ZFP82: variants seen among roughly 807,000 people sequenced by gnomAD.
ZFP82 encodes ZFP82 zinc finger protein, also known as zinc finger protein 82 homolog.
Under a neutral mutation model 54.0 loss-of-function variants are expected in ZFP82, and 30 were observed. The ratio of observed to expected loss-of-function variants is 0.56; its 90% confidence interval spans 0.42 to 0.75. The LOEUF is 0.75. Ranked by LOEUF, ZFP82 falls within the 30% of genes least tolerant of loss-of-function variation. ZFP82 has a pLI of 0.00. For missense variants in ZFP82, 500 were observed against 636.8 expected (o/e 0.79, Z 2.31); for synonymous variants, 194 against 209.5 (o/e 0.93, Z 0.64).
intron 4 of ZFP82, among the ~76,000 whole-genome samples, chr19:36,403,012 G>A (rs775183807): frequency 5.3e-5 from 8 of 151,548 alleles, no homozygotes; most frequent in Non-Finnish European, 1.0e-4. Context: ...GCGTGGTGGC[G>A]GGCGCCTGTA....
At chr19:36,416,867 GT>G (rs2032680136) in intron 1 of ZFP82, among the ~76,000 whole-genome samples, 1 of 150,096 alleles carries the variant, frequency 6.7e-6, no homozygotes, top group South Asian at 2.1e-4. Context: ...GAGGCCAGGA[GT>G]TTGAGACCAG....
chr19:36,393,142 A>G lies in ZFP82; in HGVS notation c.1198T>C (p.Trp400Arg). The change falls in exon 5 of 5, where the codon TGG becomes CGG. Residue 400 changes from tryptophan (W) to arginine (R), a missense_variant. Physicochemically the swap from Trp to Arg is moderately radical, Grantham distance 101. Coordinates refer to ENST00000392161, the MANE Select transcript of ZFP82 (RefSeq NM_133466.4). ...TGTGAGTAGCGACTAAAGGCTTTCC[A>G]GCATTCCTTACATTCGTAAGGTTTT... The part of the protein sequence containing the change: ...GEKPYECKEC[W>R]KAFSRYSQLI... The G allele has an allele frequency of 6.2e-7, 1 of 1,612,736 alleles. No homozygotes were observed. Among genetic ancestry groups the G allele is most frequent in the Admixed American group, 1.7e-5 (1 of 59,870 alleles).
intron 4 of ZFP82, among the ~76,000 whole-genome samples, chr19:36,396,678 AAAGT>A (rs1255507192): frequency 6.6e-6 from 1 of 151,906 alleles, no homozygotes; most frequent in Non-Finnish European, 1.5e-5. Context: ...ATACATAAAT[AAAGT>A]AATTAAAAAA....
At chr19:36,402,393 C>T (rs2032401646) in intron 4 of ZFP82, among the ~76,000 whole-genome samples, 1 of 137,328 alleles carries the variant, frequency 7.3e-6, no homozygotes. Flanking sequence ...GGCGTGAACC[C>T]AGGAAGCGGA....
Position 36,400,604 on chromosome 19 carries a change from C to T in ZFP82, c.229+4976G>A, listed in dbSNP as rs73928638. Among the ~76,000 whole-genome samples the T allele has an allele frequency of 5.2e-3, 791 of 152,286 alleles. 7 individuals carry two copies. The highest frequency in any genetic ancestry group is 0.018 in the African/African-American group (759 of 41,558). ...CCATCCTGAGCAACCTACCTGCACA[C>T]ATAACTACACTGTTTTTCCCTTTTA... On this transcript the variant is annotated intron_variant, in intron 4 of 4. Coordinates refer to ENST00000392161, the MANE Select transcript of ZFP82 (RefSeq NM_133466.4).
intron 4 of ZFP82, among the ~76,000 whole-genome samples, chr19:36,401,510 T>C (rs1287818478): frequency 1.3e-5 from 2 of 152,216 alleles, no homozygotes; most frequent in Admixed American, 6.5e-5. Flanking sequence ...CCTATCAGCA[T>C]GTTCTTTTGA....
At chr19:36,417,981 T>C (rs1262299634) in intron 1 of ZFP82, among the ~76,000 whole-genome samples, 2 of 152,018 alleles carry the variant, frequency 1.3e-5, no homozygotes, top group East Asian at 1.9e-4. Flanking sequence ...GGTGCTATCA[T>C]AGCTCGCTGC....
downstream of ZFP82, among the ~76,000 whole-genome samples, chr19:36,384,617 A>C (rs1474425117): frequency 6.6e-6 from 1 of 152,186 alleles, no homozygotes; most frequent in East Asian, 1.9e-4. Flanking sequence ...TCACAAAATC[A>C]TTTCCTTCAA....
rs2032222520 is a variant in ZFP82, at chr19:36,392,746, T to C, written c.1594A>G (p.Ile532Val). 1 of 1,553,300 alleles carries C rather than the reference T, an allele frequency of 6.4e-7. No homozygotes were observed. Among genetic ancestry groups the C allele is most frequent in the Non-Finnish European group, 8.7e-7 (1 of 1,155,932 alleles). The change falls in exon 5 of 5, where the codon ATC (isoleucine) becomes GTC (valine). Residue 532 changes from isoleucine to valine, a missense_variant. Physicochemically the swap from Ile to Val is conservative, Grantham distance 29. Coordinates refer to ENST00000392161, the MANE Select transcript of ZFP82 (RefSeq NM_133466.4). ...CAGAAGTTGAAAAGACTTTCTTAGATTTTTACATTATGAATTTTCAGATGA... is the reference window on the plus strand; with the variant it reads ...CAGAAGTTGAAAAGACTTTCTTAGACTTTTACATTATGAATTTTCAGATGA... ...THHLKIHNVKI is the reference protein window; with the variant it reads ...THHLKIHNVKV
intron 4 of ZFP82, among the ~76,000 whole-genome samples, chr19:36,397,719 C>G (rs2032320766): frequency 6.6e-6 from 1 of 151,988 alleles, no homozygotes; most frequent in African/African-American, 2.4e-5. Context: ...TCCCAAGTAG[C>G]TGGGATTACA....
chr19:36,396,706 G>A (rs200653951), intron 4 of ZFP82, among the ~76,000 whole-genome samples: 2 of 151,826 alleles, frequency 1.3e-5, no homozygotes, highest in Non-Finnish European at 2.9e-5. Context: ...GCTGGGCATG[G>A]TAGTGTGTGC....
At chr19:36,408,539 G>A (rs1221927438) in intron 2 of ZFP82, among the ~76,000 whole-genome samples, 2 of 152,100 alleles carry the variant, frequency 1.3e-5, no homozygotes, top group African/African-American at 2.4e-5. Context: ...GGTTGTATAG[G>A]CCAGGCGCAG....
chr19:36,413,597 A>G (rs1426878005), intron 1 of ZFP82, among the ~76,000 whole-genome samples: 1 of 152,196 alleles, frequency 6.6e-6, no homozygotes, highest in East Asian at 1.9e-4. Flanking sequence ...GACTAAAAGA[A>G]TATGTACAAT....
chr19:36,406,617 CATTTT>C (rs1273047772), intron 3 of ZFP82, among the ~76,000 whole-genome samples: 1 of 152,162 alleles, frequency 6.6e-6, no homozygotes, highest in Admixed American at 6.5e-5. Flanking sequence ...GACTATGCCA[CATTTT>C]ATTTATCCAT....
rs373296227 is a variant in ZFP82 at position 36,390,329 on chromosome 19, G to GCCTTTTTTTT, written c.*2411_*2412insAAAAAAAAGG. 10 of 120,330 alleles carry GCCTTTTTTTT rather than the reference G, an allele frequency of 8.3e-5. 1 individual carries two copies. The highest frequency in any genetic ancestry group is 8.2e-5 in the Non-Finnish European group (5 of 60,616). 7.5% of individuals were successfully genotyped at this position (120,330 alleles called of 1,614,324 possible). ...CTTTAAAGTGTAGGATTCCATTTTT[G>GCCTTTTTTTT]TCTTTTTTTTTTTTTTTTTTGACAT... On this transcript the variant is annotated 3_prime_UTR_variant, in exon 5 of 5. Coordinates refer to ENST00000392161, the MANE Select transcript of ZFP82 (RefSeq NM_133466.4).
intron 1 of ZFP82, among the ~76,000 whole-genome samples, chr19:36,417,883 C>T (rs898291072): frequency 8.5e-5 from 13 of 152,066 alleles, no homozygotes; most frequent in South Asian, 2.1e-4. Context: ...CAAGCCTGGG[C>T]GGGAGCGGGG....
At chr19:36,416,647 T>G (rs544355330) in intron 1 of ZFP82, among the ~76,000 whole-genome samples, 63 of 149,632 alleles carry the variant, frequency 4.2e-4, no homozygotes, top group African/African-American at 1.5e-3. Context: ...TCCCAGCTAC[T>G]AGGGTGGCTG....
intron 1 of ZFP82, among the ~76,000 whole-genome samples, chr19:36,415,307 T>C (rs1455886888): frequency 2.6e-5 from 4 of 152,214 alleles, no homozygotes; most frequent in Admixed American, 2.0e-4. Context: ...TTTATTCTTA[T>C]AGAGTGAAGA....
intron 1 of ZFP82, among the ~76,000 whole-genome samples, chr19:36,414,641 G>C (rs1177434204): frequency 6.6e-6 from 1 of 151,714 alleles, no homozygotes; most frequent in Admixed American, 6.6e-5. Flanking sequence ...GGATTATAGA[G>C]ATGAGCCACC....
Sources: gnomAD v4.1 joint callset for allele counts (sites outside exome capture counted in the v4.1 genomes callset) on GRCh38, gnomAD v4.1.1 for gene constraint, MANE v1.5 for transcripts, NCBI Gene and HGNC (gene_info 2026-07-23, HGNC 2026-07-21) for gene names.